Variants in NT5C3A observed in about 807,000 individuals in gnomAD.
NT5C3A encodes the protein 5'-nucleotidase, cytosolic IIIA.
Under a neutral mutation model 40.0 loss-of-function variants are expected in NT5C3A, and 23 were observed. The observed-to-expected ratio is 0.58, with a 90% CI of 0.41 to 0.81. The LOEUF is 0.81. NT5C3A is among the 40% of genes least tolerant of loss of function. NT5C3A has a pLI of 0.00. For missense variants in NT5C3A, 328 were observed against 403.0 expected, an observed-to-expected ratio of 0.81 and a Z score of 1.59; for synonymous variants, 130 against 141.4, an observed-to-expected ratio of 0.92 and a Z score of 0.57.
At chr7:33,056,921 C>A (rs2128019901) in intron 1 of NT5C3A, among the ~76,000 whole-genome samples, 2 of 152,184 alleles carry the variant, frequency 1.3e-5, no homozygotes, top group Admixed American at 1.3e-4. Context: ...AAGTGATTCT[C>A]CTGCCTCAGC....
At chr7:33,059,666 G>C (rs999688844) in intron 1 of NT5C3A, among the ~76,000 whole-genome samples, 1 of 152,190 alleles carries the variant, frequency 6.6e-6, no homozygotes, top group African/African-American at 2.4e-5. Context: ...GGGAGATTCA[G>C]AGAGGTTAAG....
chr7:33,019,258 A>T (rs568506452), intron 6 of NT5C3A, among the ~76,000 whole-genome samples: 1 of 74,186 alleles, frequency 1.3e-5, no homozygotes. Context: ...CCTGTCTTTA[A>T]AAAAAAAAAA....
At chr7:33,020,265 A>AAC (rs1057392068) in intron 5 of NT5C3A, among the ~76,000 whole-genome samples, 6 of 152,260 alleles carry the variant, frequency 3.9e-5, no homozygotes, top group Non-Finnish European at 7.4e-5. Context: ...CAATTATGCA[A>AAC]ACAGCCACTA....
chr7:33,033,275 G>C (rs1786384099), intron 1 of NT5C3A, among the ~76,000 whole-genome samples: 2 of 152,178 alleles, frequency 1.3e-5, no homozygotes, highest in Non-Finnish European at 2.9e-5. Flanking sequence ...AGAAAGTATA[G>C]ATTTAAAGCC....
At chr7:33,045,239 G>A (rs1787097650) in intron 1 of NT5C3A, among the ~76,000 whole-genome samples, 1 of 152,088 alleles carries the variant, frequency 6.6e-6, no homozygotes, top group Non-Finnish European at 1.5e-5. Context: ...ATAGAAAGAT[G>A]ATTTTTTTAA....
intron 1 of NT5C3A, chr7:33,036,154 C>G (rs1786592633): frequency 7.9e-6 from 5 of 632,070 alleles, no homozygotes; most frequent in Non-Finnish European, 1.4e-5. Flanking sequence ...GTACAAAGAA[C>G]TAACATGGTT....
intron 1 of NT5C3A, among the ~76,000 whole-genome samples, chr7:33,057,033 G>A (rs1479662270): frequency 1.3e-5 from 2 of 151,960 alleles, no homozygotes; most frequent in African/African-American, 4.8e-5. Flanking sequence ...GGCTGGTCTC[G>A]AACTCCCAAC....
chr7:33,048,199 GT>G (rs1227780517), intron 1 of NT5C3A, among the ~76,000 whole-genome samples: 1 of 137,674 alleles, frequency 7.3e-6, no homozygotes, highest in Non-Finnish European at 1.6e-5. Flanking sequence ...TGTGTGTGTG[GT>G]TTTTTTTTGA....
intron 5 of NT5C3A, among the ~76,000 whole-genome samples, chr7:33,020,590 G>T (rs1216574902): frequency 6.6e-6 from 1 of 152,142 alleles, no homozygotes; most frequent in Admixed American, 6.6e-5. Flanking sequence ...GATGAAGTAT[G>T]CAACTGTTAC....
chr7:33,039,555 G>GTTTTTTTTTTTTTTTTTT lies in NT5C3A; in HGVS notation c.139-12641_139-12640insAAAAAAAAAAAAAAAAAA, dbSNP rs776873396. ...TACTATTTGACTTTCTTAAGCTTGGGTTTTTTGTTTTTTTTTTTTTTTAAT... is the reference window on the plus strand; with the variant it reads ...TACTATTTGACTTTCTTAAGCTTGGGTTTTTTTTTTTTTTTTTTTTTTTTGTTTTTTTTTTTTTTTAAT... On this transcript the variant is annotated intron_variant, in intron 1 of 8. Transcript: ENST00000610140. Among the ~76,000 whole-genome samples the GTTTTTTTTTTTTTTTTTT allele has an allele frequency of 1.4e-4, 10 of 70,032 alleles. 4 individuals carry two copies. The highest frequency in any genetic ancestry group is 1.8e-4 in the Non-Finnish European group (7 of 38,766). 45.9% of individuals were successfully genotyped at this position (70,032 alleles called of 152,430 possible).
chr7:33,026,109 C>T (rs1583912452), intron 2 of NT5C3A, among the ~76,000 whole-genome samples: 1 of 152,172 alleles, frequency 6.6e-6, no homozygotes, highest in African/African-American at 2.4e-5. Context: ...CTGCTTGAAC[C>T]GGGAAGCAGA....
At position 33,026,877 on chromosome 7, in the gene NT5C3A, G is replaced by A. The variant is rs1785971477; in HGVS notation, c.177C>T (p.Asn59=). Residue 59 remains asparagine, a synonymous_variant, in exon 2 of 9, where the codon AAC becomes AAT. Transcript: ENST00000610140. ...EFQKSSVRIK[N]PTRVEEIICG... ...AGATAATTTCTTCTACTCTTGTAGG[G>A]TTCTTGATTCGAACTGAACTTTTCT... is the stretch of plus-strand genomic sequence containing the variant. 3 of 1,612,838 alleles carry A rather than the reference G, an allele frequency of 1.9e-6. No individual in the cohort carries two copies. The highest frequency in any genetic ancestry group is 1.7e-6 in the Non-Finnish European group (2 of 1,179,700).
Position 33,017,540 on chromosome 7 carries a change from A to C in NT5C3A, c.592T>G (p.Ser198Ala), listed in dbSNP as rs758133421. Residue 198 changes from serine to alanine, a missense_variant, in exon 7 of 9, where the codon TCG becomes GCG. Coordinates refer to ENST00000610140, the MANE Select transcript of NT5C3A (RefSeq NM_001002010.5). ...TCTAGTACATCGCCGATTCCAGCCG[A>C]AAATATGAACACGGGGATGCTATGT... Reference protein sequence around the residue: ...QQHSIPVFIFSAGIGDVLEEV... With the variant: ...QQHSIPVFIFAAGIGDVLEEV... 3 of 1,613,800 alleles carry C rather than the reference A, an allele frequency of 1.9e-6. No homozygotes were observed. The highest frequency in any genetic ancestry group is 4.5e-5 in the East Asian group (2 of 44,892).
Position 33,021,216 on chromosome 7 carries a change from T to A in NT5C3A, c.440+56A>T. The A allele has an allele frequency of 1.9e-6, 3 of 1,604,788 alleles. 1 individual carries two copies. The South Asian group carries it at 3.4e-5, about 18-fold the overall frequency. ...TAAAAAATAAGCCATCAGTTGTAAC[T>A]GCAGTGTTGTTTTATTATTTTTTTT... On this transcript the variant is annotated intron_variant, in intron 5 of 8. Transcript: ENST00000610140.
rs1414414349 is a variant in NT5C3A at position 33,062,660 on chromosome 7, T to G, written c.46A>C (p.Ser16Arg). 14 of 1,589,384 alleles carry G rather than the reference T, an allele frequency of 8.8e-6. No individual in the cohort carries two copies. The highest frequency in any genetic ancestry group is 1.2e-5 in the Non-Finnish European group (14 of 1,169,084). The stretch of plus-strand genomic sequence containing the variant: ...ACCCCCGCCACCAGGGCGCACACGC[T>G]GGCGCTCGCTACCGCGCCCACCCTC... Reference protein sequence around the residue: ...VARVGAVASASVCALVAGVVL... With the variant: ...VARVGAVASARVCALVAGVVL... The change falls in exon 1 of 9, where the codon AGC becomes CGC. Residue 16 changes from serine to arginine, a missense_variant. Physicochemically the swap from Ser to Arg is moderately radical, Grantham distance 110. This residue lies in a region of NT5C3A where 280 missense variants were observed against 317.2 expected (regional missense o/e 0.88). Transcript: ENST00000610140.
chr7:33,037,677 G>A (rs143833580), intron 1 of NT5C3A, among the ~76,000 whole-genome samples: 3 of 152,126 alleles, frequency 2.0e-5, no homozygotes, highest in South Asian at 2.1e-4. Context: ...CATAATTGAC[G>A]GCATCTTAGA....
chr7:33,046,686 AATAG>A (rs1381316862), intron 1 of NT5C3A, among the ~76,000 whole-genome samples: 1 of 152,212 alleles, frequency 6.6e-6, no homozygotes, highest in Non-Finnish European at 1.5e-5. Flanking sequence ...CTGATGTTAC[AATAG>A]GTAGGTCAGG....
intron 1 of NT5C3A, among the ~76,000 whole-genome samples, chr7:33,053,061 A>G (rs746951392): frequency 2.0e-5 from 3 of 152,192 alleles, no homozygotes; most frequent in Non-Finnish European, 4.4e-5. Context: ...AAATTGCTGT[A>G]TTGTAGGAAA....
chr7:33,058,737 A>T (rs1264766793), intron 1 of NT5C3A, among the ~76,000 whole-genome samples: 1 of 152,232 alleles, frequency 6.6e-6, no homozygotes, highest in African/African-American at 2.4e-5. Context: ...GAACTTTGCT[A>T]GACTGATTAT....
Sources: allele counts gnomAD v4.1 joint callset (sites outside exome capture counted in the v4.1 genomes callset), GRCh38; gene constraint gnomAD v4.1.1; regional missense constraint gnomAD v4.1.1; transcripts MANE v1.5; gene names NCBI Gene and HGNC (gene_info 2026-07-23, HGNC 2026-07-21).